The following DBX2 variants were observed in gnomAD, a reference collection of about 807,000 sequenced individuals.
The protein encoded by DBX2 is developing brain homeobox 2, also known as homeobox protein DBX2.
A neutral mutation model predicts 17.7 loss-of-function variants in DBX2; 16 were observed. That is an observed-to-expected ratio of 0.90 (90% confidence interval 0.61 to 1.37). The LOEUF (loss-of-function observed/expected upper bound fraction) is 1.37. DBX2 is among the 40% of genes most tolerant of loss of function. The probability of loss-of-function intolerance (pLI) is 0.00; values close to 1 mark genes in which losing one functional copy is unlikely to be tolerated. For synonymous variants in DBX2, 255 were observed against 183.8 expected, an observed-to-expected ratio of 1.39 and a Z score of -3.13; for missense variants, 538 against 433.8, an observed-to-expected ratio of 1.24 and a Z score of -2.13.
At position 45,043,690 on chromosome 12, in the gene DBX2, T is replaced by C. The variant is rs115220245; in HGVS notation, c.403+6835A>G. On this transcript the variant is annotated intron_variant, in intron 1 of 3. Coordinates refer to ENST00000332700, the MANE Select transcript of DBX2 (RefSeq NM_001004329.3). ...AGATTCTAAGTGGGAACCACCCAAC[T>C]GAGCCCAGTCAGCCCACAAAACTGT... Among the ~76,000 whole-genome samples the C allele has an allele frequency of 8.4e-3, 1,278 of 152,308 alleles. 17 individuals carry two copies. The highest frequency in any genetic ancestry group is 0.029 in the African/African-American group (1,197 of 41,560).
At chr12:45,044,313 A>T (rs138850060) in intron 1 of DBX2, among the ~76,000 whole-genome samples, 2,618 of 152,236 alleles carry the variant, frequency 0.017, 75 homozygotes, top group African/African-American at 0.057. Flanking sequence ...TCTATTAAAA[A>T]CTTGCCAGCA....
chr12:45,041,666 G>C (rs1027636767), intron 1 of DBX2, among the ~76,000 whole-genome samples: 1 of 152,106 alleles, frequency 6.6e-6, no homozygotes, highest in Admixed American at 6.6e-5. Context: ...TTTTGGTAGA[G>C]CTCATGAGAA....
chr12:45,025,804 G>T (rs74734491), intron 2 of DBX2, among the ~76,000 whole-genome samples: 17 of 55,498 alleles, frequency 3.1e-4, no homozygotes, highest in Non-Finnish European at 5.0e-4. Flanking sequence ...AGGAGGAAAT[G>T]ATGAGTTCGG....
At chr12:45,039,317 A>G (rs1946458485) in intron 1 of DBX2, among the ~76,000 whole-genome samples, 2 of 108,184 alleles carry the variant, frequency 1.8e-5, no homozygotes, top group East Asian at 5.4e-4. Flanking sequence ...ATATATATAT[A>G]TATATGTATC....
intron 1 of DBX2, among the ~76,000 whole-genome samples, chr12:45,042,815 A>G (rs115048305): frequency 0.01 from 1,572 of 152,250 alleles, 22 homozygotes; most frequent in African/African-American, 0.036. Context: ...ACTTCCAGCA[A>G]CATCTTATCT....
In DBX2 at chr12:45,050,928, AG is replaced by A; in HGVS notation, c.-2del. 6.8e-7 allele frequency: 1 copy of A among 1,462,572 alleles called. No individual in the cohort carries two copies. The highest frequency in any genetic ancestry group is 2.9e-5 in the East Asian group (1 of 34,322). The allele number at this position is 1,462,572 out of a possible 1,614,324, so 90.6% of individuals were successfully genotyped here. On this transcript the variant is annotated 5_prime_UTR_variant, in exon 1 of 4. Coordinates refer to ENST00000332700, the MANE Select transcript of DBX2 (RefSeq NM_001004329.3). ...GGGCTGCGACCGCGCTGGGGAGCAT[AG>A]TGCGGCGCCAACCGGTCTGCTGCGC...
At chr12:45,023,209 A>G (rs770955770) in intron 3 of DBX2, among the ~76,000 whole-genome samples, 1 of 152,244 alleles carries the variant, frequency 6.6e-6, no homozygotes, top group Non-Finnish European at 1.5e-5. Flanking sequence ...TGGACTTGAC[A>G]TAAACCCAAA....
chr12:45,050,838 G>A lies in DBX2; in HGVS notation c.90C>T (p.Gly30=), dbSNP rs769778743. 2 of 1,538,034 alleles carry A rather than the reference G, an allele frequency of 1.3e-6. No homozygotes were observed. The highest frequency in any genetic ancestry group is 1.4e-5 in the African/African-American group (1 of 70,358). The change falls in exon 1 of 4, where the codon GGC becomes GGT. Residue 30 remains glycine, a synonymous_variant. Coordinates refer to ENST00000332700, the MANE Select transcript of DBX2 (RefSeq NM_001004329.3). ...GGAAACTCTTGCCCAGGTTGCCAAA[G>A]CCGGGCGCAGCGGGGAGGTTGAGGA... ...SALLNLPAAP[G]FGNLGKSFLI...
rs532964240 is a variant in DBX2 at position 45,027,068 on chromosome 12, C to T, written c.500-3174G>A. On this transcript the variant is annotated intron_variant, in intron 2 of 3. Coordinates refer to ENST00000332700, the MANE Select transcript of DBX2 (RefSeq NM_001004329.3). ...AATATGTGCATCTTTTTACTAAGTG[C>T]GTTTCTTCTCTGAACATTCCTTGGT... Among the ~76,000 whole-genome samples, 178 of 152,256 alleles carry T rather than the reference C, an allele frequency of 1.2e-3. 1 individual carries two copies. The highest frequency in any genetic ancestry group is 4.1e-3 in the African/African-American group (169 of 41,548).
intron 2 of DBX2, among the ~76,000 whole-genome samples, chr12:45,029,504 T>C (rs1946397625): frequency 1.3e-5 from 2 of 152,204 alleles, no homozygotes; most frequent in African/African-American, 4.8e-5. Flanking sequence ...CATCAAAGAT[T>C]GTCAAAGGTA....
At chr12:45,019,706 T>C (rs553319295) in intron 3 of DBX2, among the ~76,000 whole-genome samples, 1 of 152,190 alleles carries the variant, frequency 6.6e-6, no homozygotes, top group East Asian at 1.9e-4. Context: ...TGGTCTGTTA[T>C]GAAAGACAAA....
intron 1 of DBX2, among the ~76,000 whole-genome samples, chr12:45,036,829 C>T (rs1946443655): frequency 6.6e-6 from 1 of 152,040 alleles, no homozygotes; most frequent in Admixed American, 6.6e-5. Flanking sequence ...TGAGAATAAT[C>T]CCATTTTATC....
rs781663655 is a variant in DBX2, at chr12:45,016,580, C to T, written c.726G>A (p.Arg242=). 15 of 1,552,288 alleles carry T rather than the reference C, an allele frequency of 9.7e-6. No individual in the cohort carries two copies. Among genetic ancestry groups the T allele is most frequent in the Non-Finnish European group, 1.3e-5 (15 of 1,153,104 alleles). The part of the protein sequence containing the change: ...IWFQNRRMKW[R]NSKEKEVLSN... Reference sequence around the variant, plus strand: ...AAAGCACTTCCTTTTCTTTGGAATTCCGCCATTTCATCCTCCTGTTCTGAA... The same window carrying T: ...AAAGCACTTCCTTTTCTTTGGAATTTCGCCATTTCATCCTCCTGTTCTGAA... Residue 242 remains arginine, a synonymous_variant, in exon 4 of 4, where the codon CGG becomes CGA. Transcript: ENST00000332700.
chr12:45,023,621 C>T, intron 3 of DBX2, 86 bp downstream of exon 3: 1 of 1,508,992 alleles, frequency 6.6e-7, no homozygotes, highest in Non-Finnish European at 9.0e-7. Flanking sequence ...AAGCAGTTGC[C>T]TACGGCCCAC....
At chr12:45,019,459 G>A (rs1453537237) in intron 3 of DBX2, among the ~76,000 whole-genome samples, 1 of 152,020 alleles carries the variant, frequency 6.6e-6, no homozygotes, top group Non-Finnish European at 1.5e-5. Flanking sequence ...ATCATAAATG[G>A]TGGAGCTTTT....
chr12:45,034,426 T>C (rs1313631218), intron 2 of DBX2, among the ~76,000 whole-genome samples: 2 of 152,178 alleles, frequency 1.3e-5, no homozygotes, highest in African/African-American at 2.4e-5. Flanking sequence ...GTCTCCTTAA[T>C]TTGCACAAGA....
chr12:45,041,415 T>C (rs1365584701), intron 1 of DBX2, among the ~76,000 whole-genome samples: 1 of 152,100 alleles, frequency 6.6e-6, no homozygotes, highest in African/African-American at 2.4e-5. Flanking sequence ...AGCAAACATC[T>C]ATCTTGAATA....
intron 1 of DBX2, among the ~76,000 whole-genome samples, chr12:45,044,756 A>G (rs1946490837): frequency 6.6e-6 from 1 of 152,096 alleles, no homozygotes; most frequent in Non-Finnish European, 1.5e-5. Flanking sequence ...TTGACTGTTC[A>G]CATACCTCAC....
intron 3 of DBX2, among the ~76,000 whole-genome samples, chr12:45,022,109 G>C (rs891530543): frequency 1.4e-4 from 21 of 151,948 alleles, no homozygotes; most frequent in South Asian, 4.1e-4. Flanking sequence ...GAGAAACTGA[G>C]GCACAGAACA....
Sources: allele counts gnomAD v4.1 joint callset (sites outside exome capture counted in the v4.1 genomes callset), GRCh38; gene constraint gnomAD v4.1.1; transcripts MANE v1.5; gene names NCBI Gene and HGNC (gene_info 2026-07-23, HGNC 2026-07-21).